TENM1: variants seen among roughly 807,000 people sequenced by gnomAD.
TENM1 encodes the protein teneurin transmembrane protein 1.
A neutral mutation model predicts 174.8 loss-of-function variants in TENM1; 35 were observed. The ratio of observed to expected loss-of-function variants is 0.20; its 90% CI spans 0.15 to 0.27. The LOEUF is 0.27. Ranked by LOEUF, TENM1 falls within the 10% of genes least tolerant of loss-of-function variation. The pLI is 1.00. For missense variants in TENM1, 1,633 were observed against 2,130.1 expected, an observed-to-expected ratio of 0.77 and a Z score of 4.59; for synonymous variants, 781 against 798.7, an observed-to-expected ratio of 0.98 and a Z score of 0.37.
At chrX:124,892,502 G>A (rs1401888623) in intron 3 of TENM1, among the ~76,000 whole-genome samples, 3 of 112,036 alleles carry the variant, frequency 2.7e-5, no homozygotes, top group Non-Finnish European at 5.6e-5. Flanking sequence ...AAAGAAACAA[G>A]TCCTTATAAA....
chrX:125,081,748 T>G, the TENM1 span, among the ~76,000 whole-genome samples: 1 of 111,435 alleles, frequency 9.0e-6, no homozygotes, highest in South Asian at 3.7e-4. Flanking sequence ...AACCTAAGTG[T>G]CCATCAACAG....
intron 1 of TENM1, among the ~76,000 whole-genome samples, chrX:124,920,759 T>G (rs1181237845): frequency 9.0e-6 from 1 of 110,773 alleles, no homozygotes; most frequent in Non-Finnish European, 1.9e-5. Flanking sequence ...TTGAACATCA[T>G]TTCATATATT....
the TENM1 span, among the ~76,000 whole-genome samples, chrX:125,145,936 TTTAA>T: frequency 2.7e-5 from 3 of 112,146 alleles, no homozygotes; most frequent in Admixed American, 1.9e-4. Flanking sequence ...CCAGAGACCT[TTTAA>T]TTGACACAAA....
At chrX:124,832,366 T>C (rs773382853) in intron 3 of TENM1, among the ~76,000 whole-genome samples, 1 of 112,022 alleles carries the variant, frequency 8.9e-6, no homozygotes, top group East Asian at 2.8e-4. Flanking sequence ...GTCAGTTTCT[T>C]AGCCAGCAAA....
Position 124,658,266 on chromosome X carries a change from G to C in TENM1, c.1169-4483C>G, listed in dbSNP as rs138429913. Among the ~76,000 whole-genome samples the C allele has an allele frequency of 7.8e-3, 868 of 111,518 alleles. 10 individuals carry two copies. Among genetic ancestry groups the C allele is most frequent in the African/African-American group, 0.026 (812 of 30,705 alleles). ...TCAATTTTTCAGGGGTAGATTTTCT[G>C]GGTTATGGATTACACATGCTTTTGT... On this transcript the variant is annotated intron_variant, in intron 6 of 31. Transcript: ENST00000422452.
At chrX:124,950,523 AATAGGT>A (rs747500811) in intron 1 of TENM1, among the ~76,000 whole-genome samples, 28 of 112,067 alleles carry the variant, frequency 2.5e-4, no homozygotes, top group Non-Finnish European at 4.7e-4. Context: ...GTGATCAACA[AATAGGT>A]ATTGAATACT....
chrX:125,148,711 T>C, the TENM1 span, among the ~76,000 whole-genome samples: 1 of 111,851 alleles, frequency 8.9e-6, no homozygotes, highest in African/African-American at 3.2e-5. Flanking sequence ...TGTGTTCCTG[T>C]TCGTAGTGGC....
At chrX:124,951,664 AT>A (rs1569487487) in intron 1 of TENM1, among the ~76,000 whole-genome samples, 135 of 65,114 alleles carry the variant, frequency 2.1e-3, no homozygotes, top group African/African-American at 6.1e-3. Context: ...ATATATATAT[AT>A]ATATATATAA....
exon 15 of TENM1, chrX:124,546,956 T>C: frequency 1.7e-6 from 2 of 1,211,551 alleles, no homozygotes; most frequent in Non-Finnish European, 2.2e-6. Flanking sequence ...TAAAAAAGTC[T>C]TGAAGTGTGC....
intron 11 of TENM1, among the ~76,000 whole-genome samples, chrX:124,631,675 G>A (rs1274691069): frequency 9.1e-6 from 1 of 109,488 alleles, no homozygotes; most frequent in African/African-American, 3.3e-5. Flanking sequence ...TGAGGCAGCC[G>A]GATCACAAGG....
chrX:124,641,176 C>A (rs1020317415), intron 11 of TENM1, among the ~76,000 whole-genome samples: 1 of 110,932 alleles, frequency 9.0e-6, no homozygotes, highest in Non-Finnish European at 1.9e-5. Flanking sequence ...GGCAAAGGAA[C>A]GATTTATGCA....
chrX:124,619,238 A>G (rs1006275253), intron 11 of TENM1, among the ~76,000 whole-genome samples: 4 of 112,195 alleles, frequency 3.6e-5, no homozygotes, highest in Non-Finnish European at 7.5e-5. Context: ...GTAACCCCTA[A>G]TATCTCTTTA....
In TENM1 at chrX:124,587,064, C is replaced by T. The variant is rs368908528; in HGVS notation, c.2078-21504G>A. 1.0e-4 allele frequency among the ~76,000 whole-genome samples: 11 copies of T among 108,532 alleles called. No individual in the cohort carries two copies. The East Asian group carries it at 3.2e-3, about 31-fold the overall frequency. The allele number at this position is 108,532 out of a possible 115,157, so 94.2% of individuals were successfully genotyped here. ...GGATACAAACAAATGGAAGAACATT[C>T]CATGCTCATGGGTAGGAAGAATCAA... is the stretch of plus-strand genomic sequence containing the variant. On this transcript the variant is annotated intron_variant, in intron 11 of 31. Coordinates refer to ENST00000422452, the Ensembl canonical transcript of TENM1.
At chrX:124,614,062 C>T (rs891048637) in intron 11 of TENM1, among the ~76,000 whole-genome samples, 1 of 111,427 alleles carries the variant, frequency 9.0e-6, no homozygotes, top group South Asian at 3.8e-4. Flanking sequence ...AGCTAAAGGA[C>T]AACTGTTTTC....
chrX:124,424,712 G>C (rs1221243261), intron 23 of TENM1, among the ~76,000 whole-genome samples: 1 of 111,441 alleles, frequency 9.0e-6, no homozygotes, highest in Non-Finnish European at 1.9e-5. Context: ...CTGGATCATG[G>C]GGGTGAAGTT....
chrX:125,129,088 G>T, the TENM1 span, among the ~76,000 whole-genome samples: 3 of 111,652 alleles, frequency 2.7e-5, no homozygotes, highest in African/African-American at 9.8e-5. Flanking sequence ...CTAAGGAAAG[G>T]TCATGTAAAG....
chrX:124,831,765 G>A (rs773038884), intron 3 of TENM1, among the ~76,000 whole-genome samples: 21 of 111,207 alleles, frequency 1.9e-4, no homozygotes, highest in Non-Finnish European at 3.8e-4. Context: ...TGCCCTCTGT[G>A]AAGTCAACTG....
chrX:125,057,935 T>G, the TENM1 span, among the ~76,000 whole-genome samples: 1 of 111,877 alleles, frequency 8.9e-6, no homozygotes, highest in Non-Finnish European at 1.9e-5. Context: ...ATTCAAAAAA[T>G]AAGTGACATA....
intron 3 of TENM1, among the ~76,000 whole-genome samples, chrX:124,738,226 A>G (rs2053722339): frequency 9.0e-6 from 1 of 111,457 alleles, no homozygotes; most frequent in Non-Finnish European, 1.9e-5. Context: ...CCACCTCCCA[A>G]ATGACTGAGA....
Sources: gnomAD v4.1 joint callset for allele counts (sites outside exome capture counted in the v4.1 genomes callset) on GRCh38, gnomAD v4.1.1 for gene constraint, MANE v1.5 for transcripts, NCBI Gene and HGNC (gene_info 2026-07-23, HGNC 2026-07-21) for gene names.